The following NPAS3 variants were observed in gnomAD, a reference collection of about 807,000 sequenced individuals.
NPAS3 encodes neuronal PAS domain-containing protein 3.
Under a neutral mutation model 73.1 loss-of-function variants are expected in NPAS3, and 14 were observed. The observed-to-expected ratio is 0.19, with a 90% confidence interval of 0.13 to 0.30. NPAS3 has a LOEUF of 0.30. Ranked by LOEUF, NPAS3 falls within the 10% of genes least tolerant of loss-of-function variation. NPAS3 has a pLI of 1.00. For missense variants in NPAS3, 1,096 were observed against 1,250.0 expected (o/e 0.88, Z 1.86); for synonymous variants, 620 against 541.5 (o/e 1.14, Z -2.01).
intron 4 of NPAS3, among the ~76,000 whole-genome samples, chr14:33,435,334 A>G (rs2048944702): frequency 6.6e-6 from 1 of 152,204 alleles, no homozygotes; most frequent in Non-Finnish European, 1.5e-5. Context: ...TTTTAATAAA[A>G]TTTTTGTAAA....
intron 4 of NPAS3, among the ~76,000 whole-genome samples, chr14:33,463,783 G>A (rs2050381268): frequency 6.6e-6 from 1 of 152,168 alleles, no homozygotes; most frequent in South Asian, 2.1e-4. Context: ...TGATATTTCA[G>A]TCTCTCAAGG....
chr14:33,591,601 C>A (rs1418520420), intron 5 of NPAS3, among the ~76,000 whole-genome samples: 10 of 152,162 alleles, frequency 6.6e-5, no homozygotes, highest in African/African-American at 2.4e-4. Flanking sequence ...CAGTGTCTTA[C>A]CAGCCTAATC....
intron 6 of NPAS3, among the ~76,000 whole-genome samples, chr14:33,678,754 G>GAAAAA (rs33960834): frequency 2.1e-5 from 3 of 146,330 alleles, no homozygotes; most frequent in Non-Finnish European, 4.5e-5. Context: ...GACTTTGGGA[G>GAAAAA]AAAAAAAAAA....
chr14:33,026,615 AG>A (rs1296089759), intron 1 of NPAS3, among the ~76,000 whole-genome samples: 6 of 152,070 alleles, frequency 3.9e-5, no homozygotes, highest in Admixed American at 3.9e-4. Flanking sequence ...GGAGGAATCA[AG>A]ATCTATAATC....
At chr14:33,549,465 C>G (rs1052571102) in intron 4 of NPAS3, among the ~76,000 whole-genome samples, 1 of 152,180 alleles carries the variant, frequency 6.6e-6, no homozygotes, top group Non-Finnish European at 1.5e-5. Flanking sequence ...AACTCCTGAG[C>G]TCAAGCGATT....
intron 5 of NPAS3, among the ~76,000 whole-genome samples, chr14:33,641,612 A>C (rs1455430992): frequency 6.6e-6 from 1 of 151,886 alleles, no homozygotes; most frequent in African/African-American, 2.4e-5. Flanking sequence ...CCTGGTTCTG[A>C]TACCTCTCTC....
At chr14:33,643,368 T>G (rs199567819) in intron 5 of NPAS3, among the ~76,000 whole-genome samples, 2 of 28,498 alleles carry the variant, frequency 7.0e-5, no homozygotes, top group African/African-American at 1.3e-4. Context: ...AAGAAAGAAA[T>G]AAAAATTAAA....
chr14:32,980,250 T>C (rs2037843086), intron 1 of NPAS3, among the ~76,000 whole-genome samples: 1 of 152,218 alleles, frequency 6.6e-6, no homozygotes, highest in Non-Finnish European at 1.5e-5. Flanking sequence ...TCAGAGGTAA[T>C]TGAATTTTTC....
intron 4 of NPAS3, among the ~76,000 whole-genome samples, chr14:33,483,255 T>A (rs183608831): frequency 2.3e-4 from 35 of 152,292 alleles, no homozygotes; most frequent in Admixed American, 5.9e-4. Flanking sequence ...CAGCTCTGTG[T>A]CCTGGTGGTC....
intron 9 of NPAS3, among the ~76,000 whole-genome samples, chr14:33,792,105 T>C (rs2063375350): frequency 6.6e-6 from 1 of 152,224 alleles, no homozygotes; most frequent in Non-Finnish European, 1.5e-5. Flanking sequence ...AAGAGCTGTA[T>C]GGCAGAGTTA....
At chr14:33,013,675 T>C (rs963460717) in intron 1 of NPAS3, among the ~76,000 whole-genome samples, 7 of 152,202 alleles carry the variant, frequency 4.6e-5, no homozygotes, top group Admixed American at 3.9e-4. Context: ...ATTTTAGAAA[T>C]CTTTACATCA....
At chr14:33,278,244 A>G (rs1331038030) in intron 3 of NPAS3, among the ~76,000 whole-genome samples, 1 of 152,124 alleles carries the variant, frequency 6.6e-6, no homozygotes, top group African/African-American at 2.4e-5. Flanking sequence ...TGTCAATACA[A>G]TGGGATGTGA....
intron 5 of NPAS3, among the ~76,000 whole-genome samples, chr14:33,602,626 A>G (rs916817091): frequency 6.6e-6 from 1 of 151,916 alleles, no homozygotes; most frequent in Non-Finnish European, 1.5e-5. Context: ...ATGTGAGTAA[A>G]GTTTTTTTTT....
At chr14:33,725,699 C>T (rs1394731723) in intron 6 of NPAS3, among the ~76,000 whole-genome samples, 1 of 152,120 alleles carries the variant, frequency 6.6e-6, no homozygotes, top group Non-Finnish European at 1.5e-5. Context: ...GAATCCCTCA[C>T]CCTGTTGCCT....
rs1253855659 is a variant in NPAS3 at position 33,400,337 on chromosome 14, C to A, written c.468+33069C>A. Among the ~76,000 whole-genome samples the A allele has an allele frequency of 5.9e-5, 9 of 152,244 alleles. 1 individual carries two copies. Among genetic ancestry groups the A allele is most frequent in the Middle Eastern group, 6.8e-3 (2 of 294 alleles). On this transcript the variant is annotated intron_variant, in intron 4 of 11. Coordinates refer to ENST00000356141, the Ensembl canonical transcript of NPAS3. ...CTTAAGGGACATAATAGCAAGTGTT[C>A]ACCTGCAAGTGTGGAAATTTTGCTC...
intron 3 of NPAS3, among the ~76,000 whole-genome samples, chr14:33,300,592 C>A (rs1035342362): frequency 6.6e-6 from 1 of 152,158 alleles, no homozygotes; most frequent in African/African-American, 2.4e-5. Flanking sequence ...CTGAGGGGAC[C>A]CACAGGAGGA....
intron 2 of NPAS3, among the ~76,000 whole-genome samples, chr14:33,089,283 C>G (rs1420456912): frequency 2.0e-5 from 3 of 152,136 alleles, no homozygotes; most frequent in African/African-American, 7.2e-5. Context: ...ACTAGTATAA[C>G]CAGTGTGGAG....
chr14:33,789,582 A>AATTTTTT (rs1566544083), intron 9 of NPAS3, among the ~76,000 whole-genome samples: 3 of 89,250 alleles, frequency 3.4e-5, no homozygotes, highest in Non-Finnish European at 6.6e-5. Context: ...CTAGAGTACA[A>AATTTTTT]CTTTTTTTTT....
intron 4 of NPAS3, among the ~76,000 whole-genome samples, chr14:33,437,660 G>T (rs939431043): frequency 1.3e-5 from 2 of 152,082 alleles, no homozygotes; most frequent in Admixed American, 6.5e-5. Flanking sequence ...AAAAGAAAGT[G>T]GCATAATTTG....
Sources: gnomAD v4.1 joint callset for allele counts (sites outside exome capture counted in the v4.1 genomes callset) on GRCh38, gnomAD v4.1.1 for gene constraint, MANE v1.5 for transcripts, NCBI Gene and HGNC (gene_info 2026-07-23, HGNC 2026-07-21) for gene names.